Variants in MAGI1 observed in about 807,000 individuals in gnomAD.
MAGI1 encodes the protein membrane associated guanylate kinase, WW and PDZ domain containing 1, also known as membrane-associated guanylate kinase, WW and PDZ domain-containing protein 1.
A neutral mutation model predicts 139.9 loss-of-function variants in MAGI1; 58 were observed. That is an observed-to-expected ratio of 0.41 (90% CI 0.34 to 0.52). MAGI1 has a LOEUF of 0.52. Among genes scored for constraint, MAGI1 ranks in the 20% least tolerant of loss-of-function variants. The probability of loss-of-function intolerance (pLI) is 0.12; values close to 1 mark genes in which losing one functional copy is unlikely to be tolerated. For synonymous variants in MAGI1, 812 were observed against 737.9 expected, an observed-to-expected ratio of 1.10 and a Z score of -1.63; for missense variants, 1,874 against 1,901.6, an observed-to-expected ratio of 0.99 and a Z score of 0.27.
chr3:65,379,587 T>C lies in MAGI1; in HGVS notation c.2702-33A>G, dbSNP rs201161601. The stretch of plus-strand genomic sequence containing the variant: ...AGAGAGATGCACGCGTACATCACCG[T>C]GTCCTGCAGCCCCTCCATCCTGCTG... On this transcript the variant is annotated intron_variant, in intron 16 of 22. Transcript: ENST00000402939. The C allele has an allele frequency of 3.9e-4, 621 of 1,579,058 alleles. 2 individuals carry two copies. Among genetic ancestry groups the C allele is most frequent in the Non-Finnish European group, 4.4e-4 (509 of 1,156,286 alleles).
chr3:65,559,669 C>T (rs2080247099), intron 2 of MAGI1, among the ~76,000 whole-genome samples: 1 of 152,116 alleles, frequency 6.6e-6, no homozygotes, highest in South Asian at 2.1e-4. Context: ...TTTTATAGAT[C>T]AGAAAGTGGA....
chr3:65,778,580 A>G (rs148773842), intron 1 of MAGI1, among the ~76,000 whole-genome samples: 1 of 152,130 alleles, frequency 6.6e-6, no homozygotes, highest in Non-Finnish European at 1.5e-5. Flanking sequence ...CACCCAGAAG[A>G]TGGGGACCAT....
At chr3:65,651,323 C>T (rs1262541267) in intron 1 of MAGI1, among the ~76,000 whole-genome samples, 1 of 152,150 alleles carries the variant, frequency 6.6e-6, no homozygotes, top group African/African-American at 2.4e-5. Flanking sequence ...AGATAATTAT[C>T]TTTTGAAGAA....
intron 1 of MAGI1, among the ~76,000 whole-genome samples, chr3:65,792,234 G>A (rs2039830147): frequency 6.6e-6 from 1 of 152,152 alleles, no homozygotes; most frequent in Admixed American, 6.5e-5. Flanking sequence ...GGAAGCTGAG[G>A]CGAGAGGATC....
intron 1 of MAGI1, among the ~76,000 whole-genome samples, chr3:65,889,252 T>C (rs1336991998): frequency 1.3e-5 from 2 of 152,196 alleles, no homozygotes; most frequent in Non-Finnish European, 2.9e-5. Flanking sequence ...GCAAAGAAAG[T>C]AATCATCTGA....
At chr3:65,434,764 G>C (rs188450286) in intron 10 of MAGI1, among the ~76,000 whole-genome samples, 168 of 152,276 alleles carry the variant, frequency 1.1e-3, no homozygotes, top group Non-Finnish European at 1.9e-3. Context: ...TTTGGTATCA[G>C]TTATATTCCA....
rs79898098 is a variant in MAGI1 at position 65,527,855 on chromosome 3, C to T, written c.431-34224G>A. Among the ~76,000 whole-genome samples, 445 of 151,394 alleles carry T rather than the reference C, an allele frequency of 2.9e-3. 7 individuals carry two copies. In the East Asian group the frequency reaches 0.05, roughly 17 times the overall value. On this transcript the variant is annotated intron_variant, in intron 2 of 22. Transcript: ENST00000402939. The stretch of plus-strand genomic sequence containing the variant: ...GCTTGAACCCAGGAGGCAGAGGTTG[C>T]GAGATCATGCCACTGCACTCCAGCC...
At chr3:65,854,988 T>C (rs947537679) in intron 1 of MAGI1, among the ~76,000 whole-genome samples, 3 of 152,170 alleles carry the variant, frequency 2.0e-5, no homozygotes, top group African/African-American at 7.2e-5. Flanking sequence ...ACGTACAACA[T>C]CTGCTGGGTA....
At chr3:65,659,571 G>T (rs1166674840) in intron 1 of MAGI1, among the ~76,000 whole-genome samples, 1 of 152,128 alleles carries the variant, frequency 6.6e-6, no homozygotes, top group Non-Finnish European at 1.5e-5. Context: ...GAGTTTTCAT[G>T]AATATCCCAC....
At chr3:65,713,969 G>A (rs2031863862) in intron 1 of MAGI1, among the ~76,000 whole-genome samples, 1 of 152,140 alleles carries the variant, frequency 6.6e-6, no homozygotes, top group African/African-American at 2.4e-5. Flanking sequence ...CCACGAAGGG[G>A]ACATACGAAA....
intron 1 of MAGI1, among the ~76,000 whole-genome samples, chr3:66,027,766 C>G (rs1337266121): frequency 1.3e-5 from 2 of 152,182 alleles, no homozygotes; most frequent in Non-Finnish European, 2.9e-5. Flanking sequence ...GCTTTCTCAA[C>G]CTCAGCCTTA....
At chr3:65,394,778 T>C (rs953404475) in intron 13 of MAGI1, among the ~76,000 whole-genome samples, 3 of 152,114 alleles carry the variant, frequency 2.0e-5, no homozygotes, top group African/African-American at 7.2e-5. Flanking sequence ...ACCATGTTTA[T>C]ATATCTCCCA....
chr3:65,985,806 G>T (rs1317173071), intron 1 of MAGI1, among the ~76,000 whole-genome samples: 2 of 152,132 alleles, frequency 1.3e-5, no homozygotes, highest in Non-Finnish European at 2.9e-5. Context: ...TTGCATCTCT[G>T]AGTTCAGATG....
intron 1 of MAGI1, among the ~76,000 whole-genome samples, chr3:65,737,822 G>T (rs1466720525): frequency 6.6e-6 from 1 of 152,094 alleles, no homozygotes; most frequent in East Asian, 1.9e-4. Context: ...TGGAAGGGGT[G>T]AAGATGGAAG....
At chr3:65,596,050 G>A (rs1444283327) in intron 2 of MAGI1, among the ~76,000 whole-genome samples, 1 of 152,140 alleles carries the variant, frequency 6.6e-6, no homozygotes, top group Non-Finnish European at 1.5e-5. Flanking sequence ...GCGCCTTGTC[G>A]ACGAGTTTCA....
At chr3:65,745,244 G>A (rs1374605955) in intron 1 of MAGI1, among the ~76,000 whole-genome samples, 1 of 152,118 alleles carries the variant, frequency 6.6e-6, no homozygotes, top group Non-Finnish European at 1.5e-5. Flanking sequence ...AAGCAGGAAA[G>A]AGAAGGTATC....
chr3:65,940,970 C>T (rs538846652), intron 1 of MAGI1, among the ~76,000 whole-genome samples: 2 of 152,288 alleles, frequency 1.3e-5, no homozygotes, highest in Non-Finnish European at 2.9e-5. Context: ...TCCCCTGCTT[C>T]CACCCTCAAA....
At chr3:65,475,649 T>C (rs932548249) in intron 4 of MAGI1, among the ~76,000 whole-genome samples, 3 of 152,148 alleles carry the variant, frequency 2.0e-5, no homozygotes, top group Non-Finnish European at 4.4e-5. Context: ...GGGCTCTTTT[T>C]AGGTCAATAA....
chr3:65,539,533 C>A (rs1364280667), intron 2 of MAGI1, among the ~76,000 whole-genome samples: 2 of 152,154 alleles, frequency 1.3e-5, no homozygotes, highest in Admixed American at 6.5e-5. Flanking sequence ...AAAAAAGATG[C>A]CTGTGTCCTT....
Sources: allele counts gnomAD v4.1 joint callset (sites outside exome capture counted in the v4.1 genomes callset), GRCh38; gene constraint gnomAD v4.1.1; transcripts MANE v1.5; gene names NCBI Gene and HGNC (gene_info 2026-07-23, HGNC 2026-07-21).